SLC30A6: variants seen among roughly 807,000 people sequenced by gnomAD.
SLC30A6 encodes zinc transporter 6.
Under a neutral mutation model 63.0 loss-of-function variants are expected in SLC30A6, and 55 were observed. That is an observed-to-expected ratio of 0.87 (90% CI 0.70 to 1.09). The LOEUF is 1.09. Ranked by LOEUF, SLC30A6 falls within the 50% of genes least tolerant of loss-of-function variation. The pLI, the probability that SLC30A6 is intolerant of heterozygous loss-of-function variation, is 0.00. For missense variants in SLC30A6, 587 were observed against 549.2 expected (o/e 1.07, Z -0.69); for synonymous variants, 224 against 186.1 (o/e 1.20, Z -1.66).
Position 32,177,671 on chromosome 2 carries a change from G to GT in SLC30A6, c.218+2318dup, listed in dbSNP as rs200135871. On this transcript the variant is annotated intron_variant, in intron 4 of 13. Coordinates refer to ENST00000282587, the MANE Select transcript of SLC30A6 (RefSeq NM_017964.5). ...TTTGATTTTTTTTGTTGTTGTTTTT[G>GT]TTTTTTTTAGATGGAGTCTCACTCT... is the stretch of plus-strand genomic sequence containing the variant. 905 of 157,844 alleles carry GT rather than the reference G, an allele frequency of 5.7e-3. 11 individuals are homozygous for GT. The highest frequency in any genetic ancestry group is 0.02 in the African/African-American group (835 of 40,960). 9.8% of individuals were successfully genotyped at this position (157,844 alleles called of 1,614,324 possible).
chr2:32,170,385 C>G (rs1345529639), intron 1 of SLC30A6, among the ~76,000 whole-genome samples: 2 of 152,168 alleles, frequency 1.3e-5, no homozygotes, highest in Admixed American at 6.5e-5. Flanking sequence ...TTTGAACTCT[C>G]TGTTCTGCTA....
At chr2:32,184,731 C>T (rs945465015) in intron 5 of SLC30A6, among the ~76,000 whole-genome samples, 6 of 152,186 alleles carry the variant, frequency 3.9e-5, no homozygotes, top group Non-Finnish European at 8.8e-5. Flanking sequence ...TGCCATTGCA[C>T]TCCAGCCTGG....
At position 32,220,268 on chromosome 2, in the gene SLC30A6, C is replaced by G. The variant is rs764088397; in HGVS notation, c.941C>G (p.Ala314Gly). The G allele has an allele frequency of 8.1e-6, 13 of 1,614,046 alleles. No individual in the cohort carries two copies. Among genetic ancestry groups the G allele is most frequent in the South Asian group, 1.1e-5 (1 of 91,084 alleles). ...RRDANEQMVL[A>G]HVTNRLYTLV... ...GATGCCAATGAACAAATGGTTCTTG[C>G]TCATGTGACCAACAGGCTGTACACT... The change falls in exon 14 of 14, where the codon GCT becomes GGT. Residue 314 changes from alanine to glycine, a missense_variant. Ala to Gly is a moderately conservative substitution (Grantham distance 60). Transcript: ENST00000282587.
At chr2:32,217,769 A>G (rs992166088) in intron 13 of SLC30A6, among the ~76,000 whole-genome samples, 1 of 150,628 alleles carries the variant, frequency 6.6e-6, no homozygotes, top group African/African-American at 2.4e-5. Context: ...CCTTGTAGAG[A>G]TCTTTCACCT....
chr2:32,204,095 T>C lies in SLC30A6; in HGVS notation c.666-495T>C, dbSNP rs1438690590. The C allele has an allele frequency of 3.8e-5, 18 of 471,550 alleles. No homozygotes were observed. In the Admixed American group the frequency reaches 5.2e-4, roughly 14 times the overall value. 29.2% of individuals were successfully genotyped at this position (471,550 alleles called of 1,614,324 possible). A position where few individuals can be genotyped will look rare whatever the true frequency, so the allele number is the denominator to read the frequency against. On this transcript the variant is annotated intron_variant, in intron 10 of 13. Coordinates refer to ENST00000282587, the MANE Select transcript of SLC30A6 (RefSeq NM_017964.5). The stretch of plus-strand genomic sequence containing the variant: ...ATTAGGTCATCATAGTTGAGGTATG[T>C]GTCTGCTATTTGCAAATAAATTGGT...
At chr2:32,196,116 C>T (rs1390238803) in intron 8 of SLC30A6, among the ~76,000 whole-genome samples, 3 of 152,056 alleles carry the variant, frequency 2.0e-5, no homozygotes, top group Non-Finnish European at 2.9e-5. Flanking sequence ...AGTTTGAGAC[C>T]GGCCTGGCCA....
At chr2:32,181,959 G>A (rs1304629788) in intron 4 of SLC30A6, among the ~76,000 whole-genome samples, 1 of 141,308 alleles carries the variant, frequency 7.1e-6, no homozygotes, top group Admixed American at 7.2e-5. Flanking sequence ...TTTTGAGACA[G>A]GGTATTACTC....
rs185852598 is a variant in SLC30A6 at position 32,180,535 on chromosome 2, C to T, written c.219-3738C>T. Among the ~76,000 whole-genome samples the T allele has an allele frequency of 1.8e-4, 28 of 152,222 alleles. No individual in the cohort carries two copies. The East Asian group carries it at 4.4e-3, about 24-fold the overall frequency. On this transcript the variant is annotated intron_variant, in intron 4 of 13. Transcript: ENST00000282587. ...GCAGCCTCCACCTCCCGGTCTCAAG[C>T]GATTCTCCTGTCTTAGCCGCCCGAG...
At chr2:32,215,532 T>C (rs1272728926) in intron 13 of SLC30A6, among the ~76,000 whole-genome samples, 1 of 145,094 alleles carries the variant, frequency 6.9e-6, no homozygotes, top group African/African-American at 2.6e-5. Flanking sequence ...TTTTTTTTTT[T>C]AAGTTCTTAT....
chr2:32,203,553 G>C, intron 10 of SLC30A6: 9 of 1,604,022 alleles, frequency 5.6e-6, no homozygotes, highest in Non-Finnish European at 6.8e-6. Flanking sequence ...ACCTCTGATA[G>C]GGATTTGTGA....
intron 10 of SLC30A6, chr2:32,202,189 T>C: frequency 1.2e-6 from 1 of 800,732 alleles, no homozygotes; most frequent in East Asian, 3.4e-5. Context: ...AACATCTCTC[T>C]TTCCTGTTCA....
chr2:32,198,963 TC>T (rs1010007277), intron 10 of SLC30A6, among the ~76,000 whole-genome samples: 1 of 152,166 alleles, frequency 6.6e-6, no homozygotes, highest in Non-Finnish European at 1.5e-5. Flanking sequence ...TTCCTTAAAT[TC>T]CATGCTCATT....
chr2:32,199,281 A>G (rs1164606119), intron 10 of SLC30A6, among the ~76,000 whole-genome samples: 3 of 152,194 alleles, frequency 2.0e-5, no homozygotes, highest in Admixed American at 6.5e-5. Flanking sequence ...TTCTTTGACT[A>G]TTGTGAATAA....
rs764291944 is a variant in SLC30A6, at chr2:32,184,373, T to C, written c.284+35T>C. 28 of 1,244,030 alleles carry C rather than the reference T, an allele frequency of 2.3e-5. 1 individual carries two copies. The highest frequency in any genetic ancestry group is 7.7e-5 in the African/African-American group (5 of 65,188). The allele number at this position is 1,244,030 out of a possible 1,614,324, so 77.1% of individuals were successfully genotyped here. On this transcript the variant is annotated intron_variant, in intron 5 of 13. Coordinates refer to ENST00000282587, the MANE Select transcript of SLC30A6 (RefSeq NM_017964.5). ...AATTATTTTATTTTCTGCTAACTTA[T>C]GACTACTAAAATATTATTTATAGTA...
chr2:32,190,474 AG>A (rs1164562359), intron 5 of SLC30A6, among the ~76,000 whole-genome samples: 1 of 148,484 alleles, frequency 6.7e-6, no homozygotes, highest in African/African-American at 2.5e-5. Context: ...AAAAAAAAAA[AG>A]TTTTAAATTA....
At chr2:32,213,350 A>G (rs1685421129) in intron 13 of SLC30A6, among the ~76,000 whole-genome samples, 1 of 141,898 alleles carries the variant, frequency 7.0e-6, no homozygotes. Flanking sequence ...TACTTTCGAG[A>G]CTCATAGGGC....
At chr2:32,203,833 A>G in intron 10 of SLC30A6, 1 of 1,417,092 alleles carries the variant, frequency 7.1e-7, no homozygotes, top group African/African-American at 1.4e-5. Flanking sequence ...TTCCAGACAG[A>G]GGAGTGGTTG....
chr2:32,171,471 C>A, intron 2 of SLC30A6, 98 bp downstream of exon 2: 1 of 831,668 alleles, frequency 1.2e-6, no homozygotes. Context: ...CACTCCTGAT[C>A]CTGCCACACT....
chr2:32,174,798 C>T (rs542250081), intron 3 of SLC30A6, among the ~76,000 whole-genome samples: 5 of 151,640 alleles, frequency 3.3e-5, no homozygotes, highest in South Asian at 4.2e-4. Context: ...ATGATCCACC[C>T]GCCTCAGCCT....
Sources: allele counts gnomAD v4.1 joint callset (sites outside exome capture counted in the v4.1 genomes callset), GRCh38; gene constraint gnomAD v4.1.1; transcripts MANE v1.5; gene names NCBI Gene and HGNC (gene_info 2026-07-23, HGNC 2026-07-21).